NBEA: variants seen among roughly 807,000 people sequenced by gnomAD.
The protein encoded by NBEA is lysosomal-trafficking regulator 2.
In NBEA, 44 loss-of-function variants were observed where a neutral mutation model predicts 343.4. That is an observed-to-expected ratio of 0.13 (90% CI 0.10 to 0.16). The LOEUF is 0.16. NBEA is among the 10% of genes least tolerant of loss of function. NBEA has a pLI of 1.00. For synonymous variants in NBEA, 1,175 were observed against 1,238.7 expected, an observed-to-expected ratio of 0.95 and a Z score of 1.08; for missense variants, 2,555 against 3,631.3, an observed-to-expected ratio of 0.70 and a Z score of 7.62.
intron 5 of NBEA, 107 bp from the exon 6 acceptor site, chr13:35,050,162 T>C: frequency 1.1e-6 from 1 of 939,906 alleles, no homozygotes; most frequent in Non-Finnish European, 1.5e-6. Context: ...AAACTGCTTC[T>C]ACTGTACAGG....
rs143876286 is a variant in NBEA, at chr13:35,011,513, A to G, written c.295-29420A>G. Among the ~76,000 whole-genome samples the G allele has an allele frequency of 7.7e-4, 117 of 152,336 alleles. 1 individual carries two copies. The highest frequency in any genetic ancestry group is 2.6e-3 in the African/African-American group (108 of 41,576). Reference sequence around the variant, plus strand: ...AACAAGTGTTTGATATGGATATAATATTGATATAAACAGAATTATTAATGT... The same window carrying G: ...AACAAGTGTTTGATATGGATATAATGTTGATATAAACAGAATTATTAATGT... On this transcript the variant is annotated intron_variant, in intron 1 of 58. Transcript: ENST00000379939.
At chr13:35,618,396 T>C (rs1232173631) in intron 48 of NBEA, among the ~76,000 whole-genome samples, 1 of 152,242 alleles carries the variant, frequency 6.6e-6, no homozygotes, top group Non-Finnish European at 1.5e-5. Flanking sequence ...AGACTTTACA[T>C]GTCTACAACC....
chr13:35,493,125 A>G (rs2076557493), intron 41 of NBEA, among the ~76,000 whole-genome samples: 1 of 151,930 alleles, frequency 6.6e-6, no homozygotes, highest in Non-Finnish European at 1.5e-5. Flanking sequence ...GGAGAGGGAA[A>G]GAATTTTGGG....
At chr13:34,983,215 C>T (rs1239778565) in intron 1 of NBEA, among the ~76,000 whole-genome samples, 4 of 152,096 alleles carry the variant, frequency 2.6e-5, no homozygotes, top group Admixed American at 6.5e-5. Context: ...TGTTCCCCGC[C>T]CTGTGTCCAA....
chr13:35,376,966 A>G (rs2041775951), intron 38 of NBEA, among the ~76,000 whole-genome samples: 1 of 152,118 alleles, frequency 6.6e-6, no homozygotes, highest in South Asian at 2.1e-4. Flanking sequence ...ATACTGGTAA[A>G]AGGATAAATT....
intron 41 of NBEA, among the ~76,000 whole-genome samples, chr13:35,546,984 A>AAAAAG (rs1319371065): frequency 2.6e-5 from 4 of 152,212 alleles, no homozygotes; most frequent in Non-Finnish European, 4.4e-5. Context: ...TTGCTATAAA[A>AAAAAG]AAAAGAAAAG....
intron 38 of NBEA, among the ~76,000 whole-genome samples, chr13:35,418,277 C>A: frequency 6.6e-6 from 1 of 151,672 alleles, no homozygotes; most frequent in East Asian, 1.9e-4. Flanking sequence ...CTCTTAAAGA[C>A]ATTATTATTA....
intron 1 of NBEA, among the ~76,000 whole-genome samples, chr13:35,019,086 C>T (rs540890368): frequency 6.6e-6 from 1 of 151,430 alleles, no homozygotes; most frequent in South Asian, 2.1e-4. Context: ...ATCTTGCACT[C>T]CTGGGATAAA....
chr13:35,443,425 T>C (rs1211889657), intron 39 of NBEA, among the ~76,000 whole-genome samples: 3 of 152,048 alleles, frequency 2.0e-5, no homozygotes, highest in Non-Finnish European at 4.4e-5. Flanking sequence ...TATAGTGGTA[T>C]AGATAATATC....
At chr13:35,664,656 G>A (rs7324229) in intron 55 of NBEA, among the ~76,000 whole-genome samples, 19,662 of 152,220 alleles carry the variant, frequency 0.13, 1,416 homozygotes, top group East Asian at 0.26. Flanking sequence ...GTATGAACTT[G>A]GGCAAGTTGA....
intron 40 of NBEA, among the ~76,000 whole-genome samples, chr13:35,467,638 A>G (rs1206854720): frequency 6.6e-6 from 1 of 152,184 alleles, no homozygotes; most frequent in Non-Finnish European, 1.5e-5. Context: ...ATTATTTTAC[A>G]TTGAACATAA....
intron 1 of NBEA, among the ~76,000 whole-genome samples, chr13:35,002,256 C>T (rs1194498253): frequency 6.6e-6 from 1 of 152,086 alleles, no homozygotes; most frequent in African/African-American, 2.4e-5. Context: ...ATAGGGGTTC[C>T]CTGGGCCTTC....
At chr13:35,452,799 G>T (rs1206541013) in intron 40 of NBEA, among the ~76,000 whole-genome samples, 3 of 152,160 alleles carry the variant, frequency 2.0e-5, no homozygotes, top group Non-Finnish European at 4.4e-5. Flanking sequence ...GTGAGCAGAT[G>T]GGGTATAGAT....
At chr13:35,251,928 T>C (rs1409586510) in intron 34 of NBEA, 1 of 153,002 alleles carries the variant, frequency 6.5e-6, no homozygotes, top group Non-Finnish European at 1.5e-5. Context: ...CAGAAATCAC[T>C]GTGAAATTTT....
chr13:35,295,180 A>T (rs1027479028), intron 35 of NBEA, among the ~76,000 whole-genome samples: 58 of 149,448 alleles, frequency 3.9e-4, no homozygotes, highest in African/African-American at 1.0e-3. Context: ...TATCTAGGGT[A>T]TTATCCATTT....
intron 1 of NBEA, among the ~76,000 whole-genome samples, chr13:35,021,056 C>G (rs890292066): frequency 2.0e-5 from 3 of 152,158 alleles, no homozygotes; most frequent in Admixed American, 6.5e-5. Flanking sequence ...ATCCCTTCTT[C>G]CGGTTACTGT....
intron 16 of NBEA, 109 bp from the exon 17 acceptor site, chr13:35,123,373 T>A (rs1453645337): frequency 5.6e-6 from 3 of 531,066 alleles, no homozygotes; most frequent in Non-Finnish European, 9.1e-6. Flanking sequence ...GAGAAGAAAA[T>A]CTTCAGAGTT....
intron 16 of NBEA, 26 bp from the exon 17 acceptor site, chr13:35,123,456 T>TA: frequency 2.2e-6 from 3 of 1,347,266 alleles, no homozygotes; most frequent in Middle Eastern, 2.7e-4. Context: ...AGTAAGTTTT[T>TA]AAAAGATAAT....
At chr13:35,077,963 A>T (rs2064195374) in intron 10 of NBEA, among the ~76,000 whole-genome samples, 1 of 152,188 alleles carries the variant, frequency 6.6e-6, no homozygotes, top group Non-Finnish European at 1.5e-5. Context: ...AGTTGGGAAC[A>T]TGGTTTTTCT....
Sources: gnomAD v4.1 joint callset for allele counts (sites outside exome capture counted in the v4.1 genomes callset) on GRCh38, gnomAD v4.1.1 for gene constraint, MANE v1.5 for transcripts, NCBI Gene and HGNC (gene_info 2026-07-23, HGNC 2026-07-21) for gene names.